Variants in LIPA observed in about 807,000 individuals in gnomAD.
LIPA encodes the protein lysosomal acid lipase/cholesteryl ester hydrolase.
In LIPA, 26 loss-of-function variants were observed where a neutral mutation model predicts 40.6. The ratio of observed to expected loss-of-function variants is 0.64; its 90% CI spans 0.47 to 0.89. The LOEUF (loss-of-function observed/expected upper bound fraction) is 0.89, where lower values mean the gene tolerates loss of function less well. Ranked by LOEUF, LIPA falls within the 40% of genes least tolerant of loss-of-function variation. LIPA has a pLI of 0.00. For synonymous variants in LIPA, 188 were observed against 168.4 expected (o/e 1.12, Z -0.90); for missense variants, 455 against 479.6 (o/e 0.95, Z 0.48).
chr10:89,307,604 T>C (rs563601681), intron 1 of LIPA: 1 of 421,918 alleles, frequency 2.4e-6, no homozygotes, highest in Non-Finnish European at 4.3e-6. Context: ...GGCTTGGTGA[T>C]AGAATTATTT....
chr10:89,248,442 A>ATATTTATT lies in LIPA; in HGVS notation c.-1-801_-1-794dup, dbSNP rs199626090. On this transcript the variant is annotated intron_variant, in intron 1 of 9. Transcript: ENST00000336233. ...AAGGAATTATTATTATTATTATTTT[A>ATATTTATT]TATTTATTTATTTATTTATTTATTT... Among the ~76,000 whole-genome samples, 193 of 136,390 alleles carry ATATTTATT rather than the reference A, an allele frequency of 1.4e-3. 1 individual carries two copies. The highest frequency in any genetic ancestry group is 1.9e-3 in the East Asian group (9 of 4,770). 89.5% of individuals were successfully genotyped at this position (136,390 alleles called of 152,430 possible).
intron 2 of LIPA, among the ~76,000 whole-genome samples, chr10:89,379,474 CT>C (rs1203839282): frequency 6.6e-6 from 1 of 152,070 alleles, no homozygotes; most frequent in African/African-American, 2.4e-5. Context: ...ATATATATTT[CT>C]TTTTTTCCTG....
intron 2 of LIPA, among the ~76,000 whole-genome samples, chr10:89,408,660 T>G (rs2133642928): frequency 6.6e-6 from 1 of 152,296 alleles, no homozygotes; most frequent in East Asian, 1.9e-4. Flanking sequence ...CTGGAGAAGT[T>G]TTCAGATGAT....
At chr10:89,217,421 C>T (rs1040981129) in intron 8 of LIPA, among the ~76,000 whole-genome samples, 1 of 152,232 alleles carries the variant, frequency 6.6e-6, no homozygotes, top group Non-Finnish European at 1.5e-5. Context: ...CCTGTTGGTA[C>T]ATCTGTTCCC....
At chr10:89,301,903 T>A in intron 1 of LIPA, 1 of 498,322 alleles carries the variant, frequency 2.0e-6, no homozygotes, top group South Asian at 2.6e-5. Flanking sequence ...CTCTAAAGTA[T>A]AATAAAAAGA....
intron 1 of LIPA, chr10:89,308,367 T>C (rs1843496555): frequency 1.3e-5 from 2 of 152,126 alleles, no homozygotes; most frequent in South Asian, 2.1e-4. Flanking sequence ...AATGCTTTCA[T>C]GAACCTGGTT....
At chr10:89,388,121 T>G (rs1456365403) in intron 2 of LIPA, among the ~76,000 whole-genome samples, 1 of 152,148 alleles carries the variant, frequency 6.6e-6, no homozygotes, top group African/African-American at 2.4e-5. Flanking sequence ...TTCTTTTTTT[T>G]TTGAGACAGT....
rs1052066916 is a variant in LIPA, at chr10:89,285,836, G to A, written c.-1-38187C>T. On this transcript the variant is annotated intron_variant, in intron 1 of 5. Transcript: ENST00000282673. Reference sequence around the variant, plus strand: ...CCCACCCCTTCCCCATGTTCCTGGGGTGCAAGAACCCCCCACCCCTTCTCT... The same window carrying A: ...CCCACCCCTTCCCCATGTTCCTGGGATGCAAGAACCCCCCACCCCTTCTCT... 2.6e-5 allele frequency among the ~76,000 whole-genome samples: 4 copies of A among 151,038 alleles called. 1 individual carries two copies. Among genetic ancestry groups the A allele is most frequent in the Admixed American group, 2.6e-4 (4 of 15,196 alleles).
intron 1 of LIPA, among the ~76,000 whole-genome samples, chr10:89,290,439 TG>T (rs949240918): frequency 2.0e-5 from 3 of 152,144 alleles, no homozygotes; most frequent in African/African-American, 7.2e-5. Context: ...CCAAAATTTT[TG>T]CTGCCAACAC....
At chr10:89,309,993 ACTTATGTAGCTT>A (rs2133525439) in intron 1 of LIPA, among the ~76,000 whole-genome samples, 1 of 152,330 alleles carries the variant, frequency 6.6e-6, no homozygotes, top group East Asian at 1.9e-4. Context: ...CACATCTGCT[ACTTATGTAGCTT>A]CAACACCCAT....
rs779697910 is a variant in LIPA at position 89,222,570 on chromosome 10, C to T, written c.835G>A (p.Val279Ile). Residue 279 changes from valine to isoleucine, a missense_variant, in exon 8 of 10, where the codon GTA (valine) becomes ATA (isoleucine). Transcript: ENST00000336233. ...CCAGCAGGAGAATGTGTTGTATATA[C>T]ATCCACTCTAGACTGCAAAATAAAT... ...ERNLNMSRVD[V>I]YTTHSPAGTS... The T allele has an allele frequency of 1.3e-6, 2 of 1,598,070 alleles. No individual in the cohort carries two copies. Among genetic ancestry groups the T allele is most frequent in the African/African-American group, 1.3e-5 (1 of 74,632 alleles).
At chr10:89,356,821 C>A (rs1407845437) in intron 2 of LIPA, among the ~76,000 whole-genome samples, 2 of 152,198 alleles carry the variant, frequency 1.3e-5, no homozygotes, top group Non-Finnish European at 2.9e-5. Context: ...TCCACAAAAC[C>A]AGTCCCTGGT....
chr10:89,346,790 T>C (rs1228844966), upstream of LIPA, among the ~76,000 whole-genome samples: 6 of 152,186 alleles, frequency 3.9e-5, no homozygotes, highest in Non-Finnish European at 7.4e-5. Flanking sequence ...TGCCCAAGAA[T>C]GATGCAACAT....
chr10:89,310,515 G>T (rs181098981), intron 1 of LIPA, among the ~76,000 whole-genome samples: 1 of 152,236 alleles, frequency 6.6e-6, no homozygotes, highest in East Asian at 1.9e-4. Context: ...TTGGAAAAGG[G>T]ACTAACTTAG....
intron 2 of LIPA, among the ~76,000 whole-genome samples, chr10:89,365,235 T>A (rs1844048564): frequency 6.6e-6 from 1 of 152,212 alleles, no homozygotes; most frequent in Non-Finnish European, 1.5e-5. Flanking sequence ...CTAATACCAC[T>A]ACAGACCTCT....
chr10:89,396,100 T>C (rs897745560), intron 2 of LIPA, among the ~76,000 whole-genome samples: 9 of 152,206 alleles, frequency 5.9e-5, no homozygotes, highest in African/African-American at 2.2e-4. Flanking sequence ...TATATCCAGA[T>C]GTGGAACATC....
intron 1 of LIPA, among the ~76,000 whole-genome samples, chr10:89,319,325 AAAG>A (rs1178080848): frequency 2.6e-5 from 4 of 152,224 alleles, no homozygotes; most frequent in Non-Finnish European, 5.9e-5. Flanking sequence ...CAAGACTAAT[AAAG>A]AAGAAAAGAG....
intron 1 of LIPA, among the ~76,000 whole-genome samples, chr10:89,324,208 C>A (rs755679687): frequency 6.6e-6 from 1 of 152,062 alleles, no homozygotes; most frequent in Non-Finnish European, 1.5e-5. Flanking sequence ...GAATAGAGAG[C>A]CCAAACTTAA....
At chr10:89,378,972 C>G (rs1010362441) in intron 2 of LIPA, among the ~76,000 whole-genome samples, 1 of 152,172 alleles carries the variant, frequency 6.6e-6, no homozygotes, top group Non-Finnish European at 1.5e-5. Context: ...GGAGACTGGC[C>G]CGGGGACCAG....
Sources: allele counts gnomAD v4.1 joint callset (sites outside exome capture counted in the v4.1 genomes callset), GRCh38; gene constraint gnomAD v4.1.1; transcripts MANE v1.5; gene names NCBI Gene and HGNC (gene_info 2026-07-23, HGNC 2026-07-21).